Variants in GLIS1 observed in about 807,000 individuals in gnomAD.
GLIS1 encodes zinc finger protein GLIS1.
In GLIS1, 24 loss-of-function variants were observed where a neutral mutation model predicts 63.8. The ratio of observed to expected loss-of-function variants is 0.38; its 90% CI spans 0.27 to 0.53. GLIS1 has a LOEUF of 0.53. Ranked by LOEUF, GLIS1 falls within the 20% of genes least tolerant of loss-of-function variation. The pLI is 0.85. For synonymous variants in GLIS1, 450 were observed against 482.5 expected (o/e 0.93, Z 0.88); for missense variants, 1,036 against 1,074.1 (o/e 0.96, Z 0.50).
chr1:53,573,134 G>A (rs537221093), intron 4 of GLIS1, among the ~76,000 whole-genome samples: 105 of 152,282 alleles, frequency 6.9e-4, no homozygotes, highest in Middle Eastern at 6.8e-3. Context: ...TCCAATGCGA[G>A]CCCTGGTATG....
chr1:53,573,132 G>A (rs1172287959), intron 4 of GLIS1, among the ~76,000 whole-genome samples: 1 of 152,126 alleles, frequency 6.6e-6, no homozygotes, highest in East Asian at 1.9e-4. Flanking sequence ...GGTCCAATGC[G>A]AGCCCTGGTA....
Position 53,509,964 on chromosome 1 carries a change from C to T in GLIS1, c.1947G>A (p.Leu649=), listed in dbSNP as rs892676205. The change falls in exon 9 of 11, where the codon CTG becomes CTA. Residue 649 remains leucine (L), a synonymous_variant. Transcript: ENST00000628545. ...GAGAATGGCTCTGAGAGGATGGGGG[C>T]AGCGGCGGTGGCCCCAGCCCCTTCA... ...SPLKGLGPPP[L]PPSSQSHSPG... is the part of the protein sequence containing the mutation. 2.3e-6 allele frequency: 3 copies of T among 1,296,908 alleles called. No individual in the cohort carries two copies. Among genetic ancestry groups the T allele is most frequent in the Non-Finnish European group, 3.0e-6 (3 of 1,014,320 alleles). 80.3% of individuals were successfully genotyped at this position (1,296,908 alleles called of 1,614,324 possible).
At chr1:53,609,325 G>A (rs1275480232) in intron 2 of GLIS1, among the ~76,000 whole-genome samples, 1 of 127,752 alleles carries the variant, frequency 7.8e-6, no homozygotes, top group Admixed American at 1.0e-4. Flanking sequence ...CCAGGCTGGA[G>A]TGCAGTCGTG....
At chr1:53,695,083 G>A (rs1291185429) in intron 2 of GLIS1, among the ~76,000 whole-genome samples, 5 of 144,314 alleles carry the variant, frequency 3.5e-5, no homozygotes, top group African/African-American at 1.2e-4. Flanking sequence ...GCCCGCATCT[G>A]TTTAAAAAGC....
chr1:53,612,887 C>A, intron 2 of GLIS1, among the ~76,000 whole-genome samples: 1 of 149,824 alleles, frequency 6.7e-6, no homozygotes, highest in East Asian at 2.0e-4. Context: ...GGCACGATCT[C>A]GACTCACAGC....
At chr1:53,649,209 A>ATATTTTATATAT (rs1645879845) in intron 2 of GLIS1, among the ~76,000 whole-genome samples, 1 of 152,256 alleles carries the variant, frequency 6.6e-6, no homozygotes, top group South Asian at 2.1e-4. Flanking sequence ...TACGAATTAT[A>ATATTTTATATAT]AAAAGTTTAA....
At chr1:53,686,951 G>A (rs1320205192) in intron 2 of GLIS1, among the ~76,000 whole-genome samples, 4 of 152,158 alleles carry the variant, frequency 2.6e-5, no homozygotes, top group African/African-American at 9.7e-5. Context: ...ACAGTGTTGA[G>A]CCCTTTCTTT....
At chr1:53,627,010 G>A (rs539623829) in intron 2 of GLIS1, among the ~76,000 whole-genome samples, 3 of 152,352 alleles carry the variant, frequency 2.0e-5, no homozygotes, top group Admixed American at 6.5e-5. Flanking sequence ...CTGACGTGCC[G>A]AGGCCCTTAC....
At chr1:53,675,690 G>A (rs373296266) in intron 2 of GLIS1, among the ~76,000 whole-genome samples, 2 of 152,326 alleles carry the variant, frequency 1.3e-5, no homozygotes, top group African/African-American at 4.8e-5. Flanking sequence ...AAGGCAAGAG[G>A]ACGGTTTTCC....
chr1:53,595,093 GC>G (rs1645241763), intron 3 of GLIS1, 103 bp from the exon 4 acceptor site: 2 of 1,057,692 alleles, frequency 1.9e-6, no homozygotes, highest in East Asian at 3.0e-5. Context: ...GGATGGACAA[GC>G]CCAGGGCAGG....
At chr1:53,729,638 C>T (rs569816480) in intron 2 of GLIS1, among the ~76,000 whole-genome samples, 19 of 152,252 alleles carry the variant, frequency 1.2e-4, no homozygotes, top group African/African-American at 4.6e-4. Flanking sequence ...GAAGACGATG[C>T]CTTGAATTCA....
intron 4 of GLIS1, among the ~76,000 whole-genome samples, chr1:53,588,021 CT>C (rs2100513610): frequency 6.6e-6 from 1 of 152,288 alleles, no homozygotes; most frequent in East Asian, 1.9e-4. Flanking sequence ...CTTTCCCCAT[CT>C]ATAAAATGGG....
At chr1:53,559,925 G>T (rs982903405) in intron 4 of GLIS1, among the ~76,000 whole-genome samples, 1 of 151,710 alleles carries the variant, frequency 6.6e-6, no homozygotes, top group Admixed American at 6.6e-5. Context: ...CACACACACA[G>T]CCCCCTACCT....
intron 2 of GLIS1, among the ~76,000 whole-genome samples, chr1:53,725,558 C>G (rs7536788): frequency 0.02 from 3,088 of 152,282 alleles, 101 homozygotes; most frequent in African/African-American, 0.07. Flanking sequence ...CCTGGAAACC[C>G]GGCCAGCCTG....
intron 4 of GLIS1, among the ~76,000 whole-genome samples, chr1:53,584,654 C>T (rs927094276): frequency 6.6e-6 from 1 of 152,196 alleles, no homozygotes; most frequent in South Asian, 2.1e-4. Context: ...TAGCCCAAGG[C>T]TGTCTCCCAA....
At chr1:53,691,047 A>G (rs1296171216) in intron 2 of GLIS1, among the ~76,000 whole-genome samples, 1 of 152,136 alleles carries the variant, frequency 6.6e-6, no homozygotes, top group African/African-American at 2.4e-5. Context: ...GCACTTGCCC[A>G]CACTGCCTGT....
chr1:53,524,811 G>C lies in GLIS1; in HGVS notation c.1559C>G (p.Ala520Gly). Residue 520 changes from alanine (A) to glycine (G), a missense_variant, in exon 6 of 11, where the codon GCC becomes GGC. Physicochemically the swap from Ala to Gly is moderately conservative, Grantham distance 60 (BLOSUM62 0). Coordinates refer to ENST00000628545, the MANE Select transcript of GLIS1 (RefSeq NM_001367484.1). ...DPSSLRKHVK[A>G]HSAKEQQVRK... The stretch of plus-strand genomic sequence containing the variant: ...CACCTGCTGCTCTTTGGCTGAATGG[G>C]CCTTGACGTGCTTGCGGAGGGAGCT... The C allele has an allele frequency of 6.2e-7, 1 of 1,613,308 alleles. No individual in the cohort carries two copies. Among genetic ancestry groups the C allele is most frequent in the Non-Finnish European group, 8.5e-7 (1 of 1,179,756 alleles).
chr1:53,512,445 T>A (rs978699346), intron 8 of GLIS1, among the ~76,000 whole-genome samples: 2 of 152,310 alleles, frequency 1.3e-5, no homozygotes, highest in African/African-American at 2.4e-5. Flanking sequence ...CCTCTTAGCA[T>A]ATTTTTGAGT....
At chr1:53,676,995 A>T (rs1290467838) in intron 2 of GLIS1, among the ~76,000 whole-genome samples, 2 of 152,206 alleles carry the variant, frequency 1.3e-5, no homozygotes, top group Non-Finnish European at 2.9e-5. Context: ...AATGTAACAC[A>T]GGTCTCTGGG....
Sources: gnomAD v4.1 joint callset for allele counts (sites outside exome capture counted in the v4.1 genomes callset) on GRCh38, gnomAD v4.1.1 for gene constraint, MANE v1.5 for transcripts, NCBI Gene and HGNC (gene_info 2026-07-23, HGNC 2026-07-21) for gene names.